The following SPATA31H1 variants were observed in gnomAD, a reference collection of about 807,000 sequenced individuals.
SPATA31H1 encodes the protein SPATA31 subfamily H member 1, also known as spermatogenesis-associated protein 31H1.
chr2:27,579,255 C>T, the SPATA31H1 span: 1 of 1,614,144 alleles, frequency 6.2e-7, no homozygotes, highest in Non-Finnish European at 8.5e-7. Context: ...TATGCTAATG[C>T]TGGGGAATAT....
At chr2:27,569,176 C>T in the SPATA31H1 span, 1 of 398,816 alleles carries the variant, frequency 2.5e-6, no homozygotes, top group African/African-American at 2.1e-5. Context: ...TCACAACACA[C>T]AACAAAAGAA....
At chr2:27,559,774 A>C in the SPATA31H1 span, among the ~76,000 whole-genome samples, 3 of 152,076 alleles carry the variant, frequency 2.0e-5, no homozygotes, top group Non-Finnish European at 4.4e-5. Flanking sequence ...TAATTTCTGG[A>C]AGTAAGATTT....
the SPATA31H1 span, chr2:27,577,739 A>T: frequency 1.2e-6 from 2 of 1,614,028 alleles, no homozygotes. This position sits in a 1 kb window ranked among gnomAD's most constrained non-coding sequence, Gnocchi z 4.5. Context: ...TGGGATCTCC[A>T]GGGATAATAT....
At chr2:27,578,634 A>C in the SPATA31H1 span, 1 of 1,614,198 alleles carries the variant, frequency 6.2e-7, no homozygotes. Context: ...TGTGAAATCT[A>C]CAGTGATAAA....
the SPATA31H1 span, among the ~76,000 whole-genome samples, chr2:27,546,048 T>C: frequency 1.3e-5 from 2 of 152,084 alleles, no homozygotes. Flanking sequence ...TTCTTTTACT[T>C]AACTGATTTG....
chr2:27,556,134 C>CAAAA, the SPATA31H1 span, among the ~76,000 whole-genome samples: 2 of 92,890 alleles, frequency 2.2e-5, no homozygotes, highest in African/African-American at 4.1e-5. Context: ...GACTCCATCT[C>CAAAA]AAAAAAAAAA....
At chr2:27,575,425 T>A in the SPATA31H1 span, 1 of 398,582 alleles carries the variant, frequency 2.5e-6, no homozygotes, top group Non-Finnish European at 4.4e-6. This position sits in a 1 kb window ranked among gnomAD's most constrained non-coding sequence, Gnocchi z 4.1. Flanking sequence ...GTAAAATCTA[T>A]GAAATTCAAT....
the SPATA31H1 span, chr2:27,537,693 G>C: frequency 1.6e-6 from 1 of 633,164 alleles, no homozygotes; most frequent in Non-Finnish European, 2.8e-6. Context: ...AGTGCCCATG[G>C]ATAGTCTTCC....
the SPATA31H1 span, chr2:27,582,579 T>C: frequency 6.6e-7 from 1 of 1,506,304 alleles, no homozygotes; most frequent in South Asian, 1.3e-5. Flanking sequence ...CGTGCTGCCC[T>C]TTCCAGGCTT....
chr2:27,547,841 C>CTT, the SPATA31H1 span, among the ~76,000 whole-genome samples: 1 of 151,832 alleles, frequency 6.6e-6, no homozygotes, highest in Non-Finnish European at 1.5e-5. Context: ...CTTCAACTCT[C>CTT]TTACCTTATT....
the SPATA31H1 span, chr2:27,571,876 T>TA: frequency 2.5e-6 from 1 of 398,506 alleles, no homozygotes. Context: ...TTTGAAGAAG[T>TA]AAAATCTGTG....
At chr2:27,556,664 T>C in the SPATA31H1 span, among the ~76,000 whole-genome samples, 6 of 149,544 alleles carry the variant, frequency 4.0e-5, no homozygotes, top group African/African-American at 1.2e-4. Context: ...TCTCGTCATC[T>C]AATTTCTTGT....
chr2:27,546,580 T>C, the SPATA31H1 span, among the ~76,000 whole-genome samples: 1 of 152,096 alleles, frequency 6.6e-6, no homozygotes, highest in Admixed American at 6.5e-5. Context: ...TTGCCCAGGC[T>C]GAAGTGCAGT....
the SPATA31H1 span, chr2:27,576,515 A>C: frequency 1.5e-6 from 2 of 1,344,046 alleles, no homozygotes; most frequent in Non-Finnish European, 1.0e-6. Context: ...GCTTTGGGTC[A>C]CAATGCGTTA....
the SPATA31H1 span, chr2:27,574,145 G>A: frequency 1.0e-5 from 4 of 398,374 alleles, no homozygotes. Context: ...AATCTTCTGA[G>A]TCGATACCGA....
chr2:27,567,673 A>G, the SPATA31H1 span: 1 of 400,686 alleles, frequency 2.5e-6, no homozygotes, highest in East Asian at 3.6e-5. Context: ...GTAATTCAAG[A>G]GGAAACTCCT....
the SPATA31H1 span, among the ~76,000 whole-genome samples, chr2:27,563,399 T>C: frequency 7.6e-6 from 1 of 131,694 alleles, no homozygotes; most frequent in African/African-American, 2.9e-5. Context: ...TTTTTTTTTT[T>C]TTTTTTTTTT....
chr2:27,545,400 C>T, the SPATA31H1 span, among the ~76,000 whole-genome samples: 11 of 151,818 alleles, frequency 7.2e-5, no homozygotes, highest in Non-Finnish European at 1.6e-4. Context: ...ACACATAATG[C>T]ATTGTTGGTG....
chr2:27,546,198 A>G, the SPATA31H1 span, among the ~76,000 whole-genome samples: 1 of 152,072 alleles, frequency 6.6e-6, no homozygotes, highest in African/African-American at 2.4e-5. Context: ...ATGAAATCCA[A>G]TTTATGAAGT....
Sources: allele counts gnomAD v4.1 joint callset (sites outside exome capture counted in the v4.1 genomes callset), GRCh38; gene constraint gnomAD v4.1.1; non-coding constraint Gnocchi (gnomAD v3.1); transcripts MANE v1.5; gene names NCBI Gene and HGNC (gene_info 2026-07-23, HGNC 2026-07-21).